SLC45A4: variants seen among roughly 807,000 people sequenced by gnomAD.
SLC45A4 encodes solute carrier family 45 member 4, also known as polyamine-transporter SLC45A4.
In SLC45A4, 32 loss-of-function variants were observed where a neutral mutation model predicts 63.7. The ratio of observed to expected loss-of-function variants is 0.50; its 90% CI spans 0.38 to 0.67. The LOEUF is 0.67. Ranked by LOEUF, SLC45A4 falls within the 30% of genes least tolerant of loss-of-function variation. The pLI is 0.00. For synonymous variants in SLC45A4, 535 were observed against 510.0 expected (o/e 1.05, Z -0.66); for missense variants, 1,027 against 1,157.7 (o/e 0.89, Z 1.64).
At chr8:141,273,387 G>A (rs1430496791) in intron 1 of SLC45A4, among the ~76,000 whole-genome samples, 1 of 152,180 alleles carries the variant, frequency 6.6e-6, no homozygotes, top group African/African-American at 2.4e-5. Context: ...AATCTCAGCT[G>A]GGAATTCAGG....
intron 6 of SLC45A4, among the ~76,000 whole-genome samples, chr8:141,216,483 C>T (rs149005407): frequency 1.3e-5 from 2 of 152,386 alleles, no homozygotes; most frequent in East Asian, 1.9e-4. Context: ...TCTGTTCAAG[C>T]GGTGACAATG....
chr8:141,211,430 C>A lies in SLC45A4; in HGVS notation c.*142G>T. On this transcript the variant is annotated 3_prime_UTR_variant, in exon 9 of 9. Coordinates refer to ENST00000517878, the MANE Select transcript of SLC45A4 (RefSeq NM_001286646.2). The stretch of plus-strand genomic sequence containing the variant: ...ATCCCTGGGCAGGGTGTCTGGGAGC[C>A]ACCCCTGCAAATCACTGTCTTCTGC... 1 of 1,560,668 alleles carries A rather than the reference C, an allele frequency of 6.4e-7. No individual in the cohort carries two copies. The highest frequency in any genetic ancestry group is 1.2e-5 in the South Asian group (1 of 83,578).
intron 1 of SLC45A4, among the ~76,000 whole-genome samples, chr8:141,297,075 T>A (rs146754871): frequency 1.2e-3 from 189 of 151,770 alleles, no homozygotes; most frequent in Non-Finnish European, 2.3e-3. Context: ...AGTTACTGAG[T>A]CCCCCCCAGG....
intron 2 of SLC45A4, chr8:141,228,381 G>A (rs937212978): frequency 2.0e-6 from 3 of 1,527,736 alleles, no homozygotes; most frequent in Non-Finnish European, 2.6e-6. Flanking sequence ...AGAGGCCCCT[G>A]GCCAGACCCA....
chr8:141,245,216 T>G (rs1828129059), intron 2 of SLC45A4, among the ~76,000 whole-genome samples: 1 of 152,190 alleles, frequency 6.6e-6, no homozygotes, highest in South Asian at 2.1e-4. Flanking sequence ...GAGATGCTGG[T>G]ATCTGCTGAG....
chr8:141,297,625 T>C (rs1830604722), intron 1 of SLC45A4, among the ~76,000 whole-genome samples: 1 of 152,202 alleles, frequency 6.6e-6, no homozygotes, highest in Non-Finnish European at 1.5e-5. Flanking sequence ...GCTGCAGAGA[T>C]GGCACGAACT....
At chr8:141,306,133 T>A (rs1431672403) in intron 1 of SLC45A4, among the ~76,000 whole-genome samples, 1 of 151,506 alleles carries the variant, frequency 6.6e-6, no homozygotes, top group African/African-American at 2.4e-5. Flanking sequence ...GGGCCAAAGC[T>A]GCAGCACGCA....
At chr8:141,272,666 C>A (rs945325078) in intron 1 of SLC45A4, among the ~76,000 whole-genome samples, 3 of 152,124 alleles carry the variant, frequency 2.0e-5, no homozygotes, top group Admixed American at 6.6e-5. Context: ...TAGGCCCTCA[C>A]CCCCCCTACT....
At position 141,227,379 on chromosome 8, in the gene SLC45A4, G is replaced by A. The variant is rs984744922; in HGVS notation, c.242-5614C>T. The stretch of plus-strand genomic sequence containing the variant: ...CCTATAAATGTTTAACAAAAGATCC[G>A]CAATGGGAACAGGAACTTGCATTCT... On this transcript the variant is annotated intron_variant, in intron 2 of 8. Transcript: ENST00000517878. This position sits in a 1 kb window ranked among gnomAD's most constrained non-coding sequence, Gnocchi z 4.4. 1.3e-5 allele frequency among the ~76,000 whole-genome samples: 2 copies of A among 152,182 alleles called. No individual in the cohort carries two copies. Among genetic ancestry groups the A allele is most frequent in the African/African-American group, 4.8e-5 (2 of 41,438 alleles).
At chr8:141,247,533 A>G (rs1828274992) in intron 2 of SLC45A4, among the ~76,000 whole-genome samples, 1 of 152,192 alleles carries the variant, frequency 6.6e-6, no homozygotes, top group Non-Finnish European at 1.5e-5. Flanking sequence ...TGATAACTCT[A>G]AAATTTATAT....
intron 1 of SLC45A4, among the ~76,000 whole-genome samples, chr8:141,264,429 C>T (rs899127913): frequency 3.3e-5 from 5 of 152,152 alleles, no homozygotes; most frequent in African/African-American, 9.7e-5. Flanking sequence ...GAGAGGCTGC[C>T]GGGACATCTC....
intron 1 of SLC45A4, among the ~76,000 whole-genome samples, chr8:141,286,131 G>A (rs1291353068): frequency 1.3e-5 from 2 of 152,164 alleles, no homozygotes; most frequent in Admixed American, 6.5e-5. Flanking sequence ...TATGCCCAGA[G>A]GAGTCAAAAA....
In SLC45A4 at chr8:141,240,582, C is replaced by A. The variant is rs139965586; in HGVS notation, c.241+13407G>T. On this transcript the variant is annotated intron_variant, in intron 2 of 8. Transcript: ENST00000517878. The stretch of plus-strand genomic sequence containing the variant: ...TCCACAACACGCTTTTAAAAAGTGA[C>A]CACAGGCCAGGCCCAGTGGTGGGGA... 4.8e-4 allele frequency among the ~76,000 whole-genome samples: 73 copies of A among 152,272 alleles called. 1 individual carries two copies. The East Asian group carries it at 0.013, about 27-fold the overall frequency.
intron 1 of SLC45A4, among the ~76,000 whole-genome samples, chr8:141,286,365 G>C (rs950416320): frequency 6.6e-6 from 1 of 152,132 alleles, no homozygotes; most frequent in Non-Finnish European, 1.5e-5. Context: ...AACTCAGTCC[G>C]AGAGGTGGCC....
intron 7 of SLC45A4, 73 bp from the exon 8 acceptor site, chr8:141,212,629 T>A: frequency 2.0e-6 from 3 of 1,476,392 alleles, no homozygotes; most frequent in Non-Finnish European, 2.7e-6. Context: ...CAACTGTGAG[T>A]ATTAACCCAC....
chr8:141,281,844 G>A (rs942310603), intron 1 of SLC45A4, among the ~76,000 whole-genome samples: 4 of 152,166 alleles, frequency 2.6e-5, no homozygotes, highest in Admixed American at 6.5e-5. Context: ...TTTAGAAAAC[G>A]AAAACCTTAG....
In SLC45A4 at chr8:141,230,045, C is replaced by T. The variant is rs528249125; in HGVS notation, c.242-8280G>A. On this transcript the variant is annotated intron_variant, in intron 2 of 8. Coordinates refer to ENST00000517878, the MANE Select transcript of SLC45A4 (RefSeq NM_001286646.2). ...AGGACAACACCACAGCACCATTACA[C>T]GATGATAAGAAAGTTCTCTGCAAGT... The T allele has an allele frequency of 4.4e-4, 199 of 456,060 alleles. 2 individuals are homozygous for T. The highest frequency in any genetic ancestry group is 1.5e-4 in the Non-Finnish European group (33 of 226,890). 28.3% of individuals were successfully genotyped at this position (456,060 alleles called of 1,614,324 possible). A position where few individuals can be genotyped will look rare whatever the true frequency, so the allele number is the denominator to read the frequency against.
intron 2 of SLC45A4, among the ~76,000 whole-genome samples, chr8:141,233,819 C>T (rs534958579): frequency 2.6e-5 from 4 of 152,360 alleles, no homozygotes; most frequent in East Asian, 1.9e-4. Context: ...GTGCTTTTCC[C>T]GTTTTGCTGG....
intron 1 of SLC45A4, among the ~76,000 whole-genome samples, chr8:141,273,556 G>A (rs375721977): frequency 5.9e-5 from 9 of 152,232 alleles, no homozygotes; most frequent in South Asian, 2.1e-4. Flanking sequence ...CTGACAGCAC[G>A]CGAAGCAGCT....
Sources: gnomAD v4.1 joint callset for allele counts (sites outside exome capture counted in the v4.1 genomes callset) on GRCh38, gnomAD v4.1.1 for gene constraint, Gnocchi (gnomAD v3.1) non-coding constraint, MANE v1.5 for transcripts, NCBI Gene and HGNC (gene_info 2026-07-23, HGNC 2026-07-21) for gene names.